The following FLYWCH1 variants were observed in gnomAD, a reference collection of about 807,000 sequenced individuals.
FLYWCH1 encodes the protein FLYWCH-type zinc finger 1.
FLYWCH1 carries 75 observed loss-of-function variants against 66.4 expected under a neutral mutation model. That is an observed-to-expected ratio of 1.13 (90% CI 0.94 to 1.37). The LOEUF (loss-of-function observed/expected upper bound fraction) is 1.37. Ranked by LOEUF, FLYWCH1 falls within the 40% of genes most tolerant of loss-of-function variation. The pLI is 0.00. For missense variants in FLYWCH1, 1,334 were observed against 1,001.8 expected, an observed-to-expected ratio of 1.33 and a Z score of -4.48; for synonymous variants, 595 against 429.9, an observed-to-expected ratio of 1.38 and a Z score of -4.75.
At chr16:2,923,929 C>T (rs2070466149) in intron 2 of FLYWCH1, among the ~76,000 whole-genome samples, 1 of 152,084 alleles carries the variant, frequency 6.6e-6, no homozygotes. Context: ...ATCGCAGCTA[C>T]TTGGGAGTCT....
Position 2,930,675 on chromosome 16 carries a change from G to C in FLYWCH1, c.591G>C (p.Glu197Asp). The change falls in exon 4 of 10, where the codon GAG becomes GAC. Residue 197 changes from glutamate to aspartate, a missense_variant. Glu to Asp is a conservative substitution (Grantham distance 45). Coordinates refer to ENST00000253928, the MANE Select transcript of FLYWCH1 (RefSeq NM_001308068.2). Reference protein sequence around the residue: ...REKLPSLALPEGLGEPQGPEG... With the variant: ...REKLPSLALPDGLGEPQGPEG... The stretch of plus-strand genomic sequence containing the variant: ...AACTGCCCAGCCTGGCCCTGCCAGA[G>C]GGCTTGGGAGAGCCCCAGGGTCCTG... 1 of 1,544,820 alleles carries C rather than the reference G, an allele frequency of 6.5e-7. No homozygotes were observed. Among genetic ancestry groups the C allele is most frequent in the Non-Finnish European group, 8.7e-7 (1 of 1,147,214 alleles).
chr16:2,942,910 TA>T (rs1339883993), intron 9 of FLYWCH1, among the ~76,000 whole-genome samples: 8 of 151,444 alleles, frequency 5.3e-5, no homozygotes, highest in African/African-American at 1.9e-4. Context: ...CTATGTTGGC[TA>T]GGCTGGTCAC....
In FLYWCH1 at chr16:2,937,257, C is replaced by T. The variant is rs912682904; in HGVS notation, c.1650C>T (p.Ser550=). ...ACCAGGCCCGCATGGGCTGCCGCAG[C>T]CGCGCCATCACCCAGGGCCGGCGGG... is the stretch of plus-strand genomic sequence containing the variant. The part of the protein sequence containing the change: ...CRDQARMGCR[S]RAITQGRRVM... Residue 550 remains serine, a synonymous_variant, in exon 7 of 10, where the codon AGC becomes AGT. Coordinates refer to ENST00000253928, the MANE Select transcript of FLYWCH1 (RefSeq NM_001308068.2). 6.2e-7 allele frequency: 1 copy of T among 1,606,590 alleles called. No homozygotes were observed.
Position 2,937,302 on chromosome 16 carries a change from C to G in FLYWCH1, c.1695C>G (p.His565Gln), listed in dbSNP as rs1265578349. Residue 565 changes from histidine to glutamine, a missense_variant, in exon 7 of 10, where the codon CAC becomes CAG. By Grantham distance (24) the His-to-Gln change is conservative (BLOSUM62 0). Transcript: ENST00000253928. ...GGCGGGTCATGGTCATGCGCAGGCA[C>G]TGCCACCCACCGGACCTGGGCGGCC... ...QGRRVMVMRR[H>Q]CHPPDLGGLE... 1.2e-6 allele frequency: 2 copies of G among 1,604,314 alleles called. No individual in the cohort carries two copies. The highest frequency in any genetic ancestry group is 1.7e-6 in the Non-Finnish European group (2 of 1,176,388).
intron 1 of FLYWCH1, chr16:2,912,959 G>C (rs904655327): frequency 1.3e-5 from 2 of 152,212 alleles, no homozygotes; most frequent in Non-Finnish European, 2.9e-5. Context: ...GCTTGATCTA[G>C]ATTTTCTCGT....
intron 2 of FLYWCH1, among the ~76,000 whole-genome samples, chr16:2,927,437 T>G (rs914738270): frequency 1.4e-4 from 21 of 152,140 alleles, no homozygotes; most frequent in Admixed American, 5.2e-4. Context: ...TTAAACAATA[T>G]GGACCCAACT....
At chr16:2,929,100 G>A (rs961513601) in intron 2 of FLYWCH1, among the ~76,000 whole-genome samples, 2 of 152,240 alleles carry the variant, frequency 1.3e-5, no homozygotes, top group African/African-American at 4.8e-5. Context: ...ACAGGTGCCT[G>A]GCGTCCTGGT....
Position 2,940,078 on chromosome 16 carries a change from C to A in FLYWCH1, c.2097C>A (p.Ser699Arg). 1 of 1,436,116 alleles carries A rather than the reference C, an allele frequency of 7.0e-7. No individual in the cohort carries two copies. Among genetic ancestry groups the A allele is most frequent in the South Asian group, 1.1e-5 (1 of 86,962 alleles). The allele number at this position is 1,436,116 out of a possible 1,614,324, so 89.0% of individuals were successfully genotyped here. A position where few individuals can be genotyped will look rare whatever the true frequency, so the allele number is the denominator to read the frequency against. The stretch of plus-strand genomic sequence containing the variant: ...GCTTCAAGACGTGTTCTCCTGAAAG[C>A]CAGCAGATTTATGGGTAATTGTATT... ...QLCFKTCSPE[S>R]QQIYGDIKDV... Residue 699 changes from serine to arginine, a missense_variant, in exon 9 of 10, where the codon AGC becomes AGA. Coordinates refer to ENST00000253928, the MANE Select transcript of FLYWCH1 (RefSeq NM_001308068.2).
chr16:2,947,246 T>G (rs1265170612), intron 9 of FLYWCH1, among the ~76,000 whole-genome samples: 5 of 152,248 alleles, frequency 3.3e-5, no homozygotes, highest in Admixed American at 2.6e-4. Flanking sequence ...TATGTAATTC[T>G]GTTCTTACGA....
chr16:2,938,587 A>T, intron 8 of FLYWCH1, 131 bp downstream of exon 8: 1 of 710,934 alleles, frequency 1.4e-6, no homozygotes, highest in East Asian at 3.3e-5. Flanking sequence ...TCATATAAAC[A>T]GAATGTGAAA....
rs943447562 is a variant in FLYWCH1, at chr16:2,936,419, C to A, written c.1514-702C>A. On this transcript the variant is annotated intron_variant, in intron 6 of 9. Coordinates refer to ENST00000253928, the MANE Select transcript of FLYWCH1 (RefSeq NM_001308068.2). ...CCCCTGCCCAGCCCTCTCCATCCCT[C>A]TTGAAGGTAGTTCCACAGCCAGACA... 11 of 455,812 alleles carry A rather than the reference C, an allele frequency of 2.4e-5. No individual in the cohort carries two copies. In the Admixed American group the frequency reaches 2.6e-4, roughly 11 times the overall value. 28.2% of individuals were successfully genotyped at this position (455,812 alleles called of 1,614,324 possible).
intron 2 of FLYWCH1, chr16:2,922,497 C>G (rs993675769): frequency 1.7e-5 from 4 of 238,358 alleles, no homozygotes; most frequent in African/African-American, 9.4e-5. Context: ...CCCTGGCACC[C>G]CCATTCTACT....
At chr16:2,931,061 T>G (rs546083177) in intron 4 of FLYWCH1, among the ~76,000 whole-genome samples, 181 bp downstream of exon 4, 1 of 152,208 alleles carries the variant, frequency 6.6e-6, no homozygotes, top group East Asian at 1.9e-4. Context: ...TCCCAGCACT[T>G]TGGGAGGCCA....
intron 8 of FLYWCH1, among the ~76,000 whole-genome samples, chr16:2,939,282 C>A (rs2071158203): frequency 6.6e-6 from 1 of 152,110 alleles, no homozygotes; most frequent in South Asian, 2.1e-4. Flanking sequence ...CCCGTCTCTA[C>A]TAAAAATACA....
intron 9 of FLYWCH1, among the ~76,000 whole-genome samples, chr16:2,941,931 AG>A (rs1317472557): frequency 8.0e-6 from 1 of 124,570 alleles, no homozygotes; most frequent in Non-Finnish European, 1.6e-5. Context: ...CAGGAGGTGG[AG>A]GTTGCAGTGA....
At chr16:2,933,026 C>T in intron 4 of FLYWCH1, 104 bp from the exon 5 acceptor site, 2 of 1,044,682 alleles carry the variant, frequency 1.9e-6, no homozygotes, top group Non-Finnish European at 2.7e-6. Context: ...AAATTTCAGC[C>T]TTAAAGGAGA....
At chr16:2,934,919 CT>C (rs59963690) in intron 6 of FLYWCH1, 2,990 of 144,762 alleles carry the variant, frequency 0.021, 26 homozygotes, top group South Asian at 0.052. Context: ...CTTGCACAGG[CT>C]TTTTTTTTTT....
chr16:2,930,922 G>C (rs1213010012), intron 4 of FLYWCH1, 42 bp downstream of exon 4: 6 of 1,456,238 alleles, frequency 4.1e-6, no homozygotes, highest in Admixed American at 2.2e-5. Context: ...CTCGGGGCAG[G>C]GGACCCGAGG....
At position 2,937,344 on chromosome 16, in the gene FLYWCH1, G is replaced by T; in HGVS notation, c.1737G>T (p.Gln579His). The T allele has an allele frequency of 1.3e-6, 2 of 1,594,580 alleles. No individual in the cohort carries two copies. Among genetic ancestry groups the T allele is most frequent in the Non-Finnish European group, 1.7e-6 (2 of 1,170,632 alleles). ...TGGGCGGCCTGGAGGCCCTGCGGCA[G>T]CGGGAGCACTTCCCCAACCTGGCGC... ...PDLGGLEALR[Q>H]REHFPNLAQW... Residue 579 changes from glutamine to histidine, a missense_variant, in exon 7 of 10, where the codon CAG (glutamine) becomes CAT (histidine). Transcript: ENST00000253928.
Sources: allele counts gnomAD v4.1 joint callset (sites outside exome capture counted in the v4.1 genomes callset), GRCh38; gene constraint gnomAD v4.1.1; transcripts MANE v1.5; gene names NCBI Gene and HGNC (gene_info 2026-07-23, HGNC 2026-07-21).